Variants in OAS1 observed in about 807,000 individuals in gnomAD.
OAS1 encodes the protein 2'-5'-oligoadenylate synthase 1.
A neutral mutation model predicts 38.5 loss-of-function variants in OAS1; 24 were observed. The observed-to-expected ratio is 0.62, with a 90% confidence interval of 0.45 to 0.88. OAS1 has a LOEUF of 0.88. Ranked by LOEUF, OAS1 falls within the 40% of genes least tolerant of loss-of-function variation. The pLI, the probability that OAS1 is intolerant of heterozygous loss-of-function variation, is 0.00. For missense variants in OAS1, 482 were observed against 493.9 expected (o/e 0.98, Z 0.23); for synonymous variants, 169 against 193.9 (o/e 0.87, Z 1.07).
rs146859513 is a variant in OAS1, at chr12:112,908,741, C to G, written c.386C>G (p.Pro129Arg). 1.1e-4 allele frequency: 170 copies of G among 1,614,120 alleles called. 2 individuals carry two copies. In the South Asian group the frequency reaches 1.2e-3, roughly 12 times the overall value. Residue 129 changes from proline (P) to arginine (R), a missense_variant, in exon 2 of 6, where the codon CCC becomes CGC. Pro to Arg is a moderately radical substitution (Grantham distance 103, BLOSUM62 -2). Coordinates refer to ENST00000202917, the MANE Select transcript of OAS1 (RefSeq NM_016816.4). Reference sequence around the variant, plus strand: ...GTCCAGGCTCCACGCTGGGGCAACCCCCGTGCGCTCAGCTTCGTACTGAGT... The same window carrying G: ...GTCCAGGCTCCACGCTGGGGCAACCGCCGTGCGCTCAGCTTCGTACTGAGT... The part of the protein sequence containing the change: ...FEVQAPRWGN[P>R]RALSFVLSSL...
chr12:112,921,436 G>A (rs2043527802), downstream of OAS1, among the ~76,000 whole-genome samples: 1 of 152,196 alleles, frequency 6.6e-6, no homozygotes, highest in Admixed American at 6.5e-5. Flanking sequence ...AATGGAATCA[G>A]TAATTAGTTG....
chr12:112,913,780 ATTTTT>A (rs2043417391), intron 3 of OAS1, among the ~76,000 whole-genome samples: 1 of 151,986 alleles, frequency 6.6e-6, no homozygotes, highest in Non-Finnish European at 1.5e-5. Flanking sequence ...TAGTTATTTT[ATTTTT>A]AATTTTTATT....
intron 6 of OAS1, among the ~76,000 whole-genome samples, chr12:112,925,271 G>A (rs957586399): frequency 6.6e-6 from 1 of 151,998 alleles, no homozygotes; most frequent in Non-Finnish European, 1.5e-5. Context: ...GAGGCCCTGC[G>A]TGAACTCTCC....
In OAS1 at chr12:112,917,120, A is replaced by C. The variant is rs555952521; in HGVS notation, c.884+382A>C. On this transcript the variant is annotated intron_variant, in intron 4 of 5. Transcript: ENST00000202917. ...ACTAACACATGCTAATATAATAGTA[A>C]AAATTATTAGCAATATTACTGATAT... is the stretch of plus-strand genomic sequence containing the variant. Among the ~76,000 whole-genome samples the C allele has an allele frequency of 1.3e-3, 197 of 152,336 alleles. 2 individuals carry two copies. The South Asian group carries it at 0.017, about 13-fold the overall frequency.
At chr12:112,921,702 C>T (rs1399824373), downstream of OAS1, among the ~76,000 whole-genome samples, 2 of 152,176 alleles carry the variant, frequency 1.3e-5, no homozygotes, top group African/African-American at 2.4e-5. Context: ...AGTAGAGGGG[C>T]GACTTGCACC....
At chr12:112,914,232 A>G (rs2043424121) in intron 3 of OAS1, among the ~76,000 whole-genome samples, 1 of 152,190 alleles carries the variant, frequency 6.6e-6, no homozygotes, top group Non-Finnish European at 1.5e-5. Context: ...AATAGTATCC[A>G]ATTCCATCCA....
intron 2 of OAS1, among the ~76,000 whole-genome samples, 176 bp from the exon 3 acceptor site, chr12:112,910,875 G>T (rs2043366808): frequency 1.3e-5 from 2 of 152,226 alleles, no homozygotes; most frequent in South Asian, 4.2e-4. Context: ...CTTGGATGGG[G>T]TGATGGCAGT....
In OAS1 at chr12:112,916,710, T is replaced by TA. The variant is rs1565963212; in HGVS notation, c.857dup (p.Tyr286Ter). 6.2e-7 allele frequency: 1 copy of TA among 1,614,154 alleles called. No homozygotes were observed. The highest frequency in any genetic ancestry group is 2.2e-5 in the East Asian group (1 of 44,892). Residue 286 changes from tyrosine to a stop codon, truncating the protein, a stop_gained and frameshift_variant, in exon 4 of 6, where the codon TAC becomes TAAC. Transcript: ENST00000202917. LOFTEE classifies it high-confidence loss of function. ...YDFKNPIIEKYLRRQLTKPRP... is the reference protein window; with the variant it reads ...YDFKNPIIEK ...CTTTAAAAACCCCATTATTGAAAAG[T>TA]ACCTGAGAAGGCAGCTCACGAAACC...
downstream of OAS1, among the ~76,000 whole-genome samples, chr12:112,922,610 C>A (rs1039504429): frequency 2.0e-5 from 3 of 152,170 alleles, no homozygotes; most frequent in African/African-American, 7.2e-5. Flanking sequence ...GAGGCCACCA[C>A]CAGAACACCT....
chr12:112,924,240 T>G (rs1365911068), downstream of OAS1, among the ~76,000 whole-genome samples: 2 of 152,210 alleles, frequency 1.3e-5, no homozygotes, highest in Non-Finnish European at 2.9e-5. Flanking sequence ...ATTGGTCTAT[T>G]TTTTGTGTCC....
At position 112,911,116 on chromosome 12, in the gene OAS1, G is replaced by T. The variant is rs143462183; in HGVS notation, c.535G>T (p.Asp179Tyr). The change falls in exon 3 of 6, where the codon GAC (aspartate) becomes TAC (tyrosine). Residue 179 changes from aspartate (D) to tyrosine (Y), a missense_variant. Coordinates refer to ENST00000202917, the MANE Select transcript of OAS1 (RefSeq NM_016816.4). The part of the protein sequence containing the change: ...IYVKLIEECT[D>Y]LQKEGEFSTC... ...TGTCAAGCTCATCGAGGAGTGCACC[G>T]ACCTGCAGAAAGAGGGCGAGTTCTC... 6.2e-5 allele frequency: 100 copies of T among 1,613,790 alleles called. 1 individual carries two copies. The South Asian group carries it at 7.1e-4, about 12-fold the overall frequency.
intron 6 of OAS1, among the ~76,000 whole-genome samples, chr12:112,930,407 G>C (rs1360327174): frequency 6.6e-6 from 1 of 152,248 alleles, no homozygotes; most frequent in African/African-American, 2.4e-5. Context: ...ACTGATAAAG[G>C]ACAGATGTGG....
intron 4 of OAS1, among the ~76,000 whole-genome samples, chr12:112,917,339 A>C (rs2043475183): frequency 2.6e-5 from 4 of 152,200 alleles, no homozygotes; most frequent in African/African-American, 9.6e-5. Flanking sequence ...TCAAACCCAC[A>C]TCTGTCAGGT....
chr12:112,921,583 G>A (rs1288382607), downstream of OAS1, among the ~76,000 whole-genome samples: 1 of 152,104 alleles, frequency 6.6e-6, no homozygotes, highest in Non-Finnish European at 1.5e-5. Context: ...GTCCTGGAGG[G>A]GTCTGTGTTA....
In OAS1 at chr12:112,931,561, T is replaced by C. The variant is rs1409383452; in HGVS notation, c.1168-317T>C. 7.9e-5 allele frequency among the ~76,000 whole-genome samples: 12 copies of C among 152,334 alleles called. No homozygotes were observed. In the South Asian group the frequency reaches 2.1e-3, roughly 26 times the overall value. The stretch of plus-strand genomic sequence containing the variant: ...TGATAAATAAAATCCATTTTAATGA[T>C]GAGGAAACAGGCTCAGAAGAGGGCG... On this transcript the variant is annotated intron_variant, in intron 6 of 6. Coordinates refer to the OAS1 transcript ENST00000540589.
chr12:112,912,269 G>T (rs2136306066), intron 3 of OAS1, among the ~76,000 whole-genome samples: 1 of 152,266 alleles, frequency 6.6e-6, no homozygotes, highest in African/African-American at 2.4e-5. Context: ...GAGCCTGGGA[G>T]GAGGAGGTTG....
intron 6 of OAS1, among the ~76,000 whole-genome samples, chr12:112,931,586 G>A (rs546943447): frequency 1.3e-4 from 20 of 152,304 alleles, no homozygotes; most frequent in African/African-American, 4.1e-4. Context: ...AGAAGAGGGC[G>A]CTCATTTGCT....
intron 2 of OAS1, among the ~76,000 whole-genome samples, 198 bp from the exon 3 acceptor site, chr12:112,910,853 T>G (rs2043366370): frequency 6.6e-6 from 1 of 151,822 alleles, no homozygotes; most frequent in African/African-American, 2.4e-5. Flanking sequence ...TTCCGGCGAG[T>G]GACGGTGGTG....
In OAS1 at chr12:112,908,549, G is replaced by A; in HGVS notation, c.194G>A (p.Gly65Asp). The part of the protein sequence containing the change: ...VSKVVKGGSS[G>D]KGTTLRGRSD... ...CGTCTTTTTCAGGGTGGCTCCTCAG[G>A]CAAGGGCACCACCCTCAGAGGCCGA... The change falls in exon 2 of 6, where the codon GGC becomes GAC. Residue 65 changes from glycine (G) to aspartate (D), a missense_variant. Physicochemically the swap from Gly to Asp is moderately conservative, Grantham distance 94. Coordinates refer to ENST00000202917, the MANE Select transcript of OAS1 (RefSeq NM_016816.4). 6.2e-7 allele frequency: 1 copy of A among 1,612,594 alleles called. No homozygotes were observed. The highest frequency in any genetic ancestry group is 8.5e-7 in the Non-Finnish European group (1 of 1,178,946).
Sources: gnomAD v4.1 joint callset for allele counts (sites outside exome capture counted in the v4.1 genomes callset) on GRCh38, gnomAD v4.1.1 for gene constraint, MANE v1.5 for transcripts, NCBI Gene and HGNC (gene_info 2026-07-23, HGNC 2026-07-21) for gene names.